The following PRELID2 variants were observed in gnomAD, a reference collection of about 807,000 sequenced individuals.
PRELID2 encodes the protein PRELI domain-containing protein 2.
Under a neutral mutation model 28.4 loss-of-function variants are expected in PRELID2, and 25 were observed. The ratio of observed to expected loss-of-function variants is 0.88; its 90% CI spans 0.64 to 1.23. PRELID2 has a LOEUF of 1.23. PRELID2 is among the 50% of genes most tolerant of loss of function. PRELID2 has a pLI of 0.00. For missense variants in PRELID2, 201 were observed against 214.4 expected (o/e 0.94, Z 0.39); for synonymous variants, 76 against 71.6 (o/e 1.06, Z -0.31).
the PRELID2 span, among the ~76,000 whole-genome samples, chr5:145,247,881 T>C: frequency 6.6e-6 from 1 of 152,082 alleles, no homozygotes; most frequent in African/African-American, 2.4e-5. Flanking sequence ...GTCTCTTTAT[T>C]ATACTGGCCT....
chr5:145,294,958 CA>C, the PRELID2 span, among the ~76,000 whole-genome samples: 3 of 151,978 alleles, frequency 2.0e-5, no homozygotes, highest in South Asian at 6.2e-4. Context: ...TCTGTGAGAG[CA>C]AAAAACACAT....
the PRELID2 span, among the ~76,000 whole-genome samples, chr5:145,247,973 G>A: frequency 6.6e-6 from 1 of 151,946 alleles, no homozygotes; most frequent in African/African-American, 2.4e-5. Context: ...ATGAAGTCAG[G>A]GATTATCAAC....
chr5:145,674,310 C>G (rs904579259), intron 1 of PRELID2, among the ~76,000 whole-genome samples: 1 of 151,548 alleles, frequency 6.6e-6, no homozygotes, highest in South Asian at 2.1e-4. Flanking sequence ...TCCCTCCCCC[C>G]TCCCTCTACC....
At chr5:145,427,563 G>C in the PRELID2 span, among the ~76,000 whole-genome samples, 1 of 152,192 alleles carries the variant, frequency 6.6e-6, no homozygotes, top group African/African-American at 2.4e-5. Flanking sequence ...CAATCTCATA[G>C]TCAGGTGCCA....
chr5:145,341,257 CAA>C, the PRELID2 span, among the ~76,000 whole-genome samples: 1 of 151,586 alleles, frequency 6.6e-6, no homozygotes, highest in Non-Finnish European at 1.5e-5. Flanking sequence ...AGATCTCAAT[CAA>C]AAAGAAATTT....
chr5:145,365,084 T>G, the PRELID2 span, among the ~76,000 whole-genome samples: 2 of 152,060 alleles, frequency 1.3e-5, no homozygotes, highest in South Asian at 4.1e-4. Context: ...GAGAGTAGAA[T>G]GGTAGTTACC....
At chr5:145,815,783 A>G (rs1355804214) in intron 4 of PRELID2, among the ~76,000 whole-genome samples, 2 of 152,242 alleles carry the variant, frequency 1.3e-5, no homozygotes, top group African/African-American at 4.8e-5. Context: ...TTGTGGATAC[A>G]TTACATTGGG....
chr5:145,452,529 AG>A, the PRELID2 span, among the ~76,000 whole-genome samples: 1 of 152,282 alleles, frequency 6.6e-6, no homozygotes, highest in Non-Finnish European at 1.5e-5. Flanking sequence ...TTAGCTTCCC[AG>A]TTTTTATTCT....
the PRELID2 span, among the ~76,000 whole-genome samples, chr5:145,374,527 G>C: frequency 6.6e-6 from 1 of 152,054 alleles, no homozygotes; most frequent in East Asian, 1.9e-4. Flanking sequence ...AGGTTGGCTT[G>C]TCTTGCTAGG....
intron 4 of PRELID2, among the ~76,000 whole-genome samples, chr5:145,802,304 C>T (rs1391960420): frequency 6.6e-6 from 1 of 152,178 alleles, no homozygotes; most frequent in Non-Finnish European, 1.5e-5. Flanking sequence ...TCTGGAGTAT[C>T]CAGCAGTCAA....
At chr5:145,627,096 CCAAAAAAAAAAAAAAAAAAAAAAAA>C (rs1753857215) in intron 1 of PRELID2, among the ~76,000 whole-genome samples, 1 of 32,052 alleles carries the variant, frequency 3.1e-5, no homozygotes, top group Admixed American at 6.4e-4. Flanking sequence ...TAAGACTCTC[CCAAAAAAAAAAAAAAAAAAAAAAAA>C]AAAAAAAAAA....
intron 1 of PRELID2, among the ~76,000 whole-genome samples, chr5:145,652,729 C>T (rs1484543671): frequency 6.6e-6 from 1 of 152,124 alleles, no homozygotes; most frequent in Non-Finnish European, 1.5e-5. Context: ...CAGGCCTGCC[C>T]TACAAGAGCT....
intron 1 of PRELID2, among the ~76,000 whole-genome samples, chr5:145,647,143 G>A (rs1294067965): frequency 4.6e-5 from 7 of 152,210 alleles, no homozygotes; most frequent in African/African-American, 7.2e-5. Flanking sequence ...CAGGTGCTCT[G>A]TCCCAGGGAG....
chr5:145,506,344 T>C (rs562015840), intron 1 of PRELID2, among the ~76,000 whole-genome samples: 1 of 152,216 alleles, frequency 6.6e-6, no homozygotes, highest in African/African-American at 2.4e-5. Context: ...CCCGAATGAG[T>C]AGCTTGCTAC....
At chr5:145,818,097 C>G (rs1018922554) in intron 3 of PRELID2, 43 bp from the exon 4 acceptor site, 1 of 1,592,032 alleles carries the variant, frequency 6.3e-7, no homozygotes, top group African/African-American at 1.3e-5. Flanking sequence ...TTAGGAAGAG[C>G]AGGCAACATA....
chr5:145,494,077 C>T (rs929826417), intron 1 of PRELID2, among the ~76,000 whole-genome samples: 1 of 152,148 alleles, frequency 6.6e-6, no homozygotes, highest in South Asian at 2.1e-4. Context: ...ACAAGCATAT[C>T]TCATTTGTCC....
the PRELID2 span, among the ~76,000 whole-genome samples, chr5:145,454,601 G>T: frequency 1.3e-5 from 2 of 151,986 alleles, no homozygotes; most frequent in South Asian, 2.1e-4. Flanking sequence ...ACAAAATCAA[G>T]GTATAAAAAT....
At position 145,553,996 on chromosome 5, in the gene PRELID2, G is replaced by A. The variant is rs117461984; in HGVS notation, n.71-80681C>T. On this transcript the variant is annotated intron_variant and non_coding_transcript_variant, in intron 1 of 2. Transcript: ENST00000510259. ...GATGATAATACCTTTAATAAATAAAGATCAGAAAAGAAGGAAGAGGGCTGG... is the reference window on the plus strand; with the variant it reads ...GATGATAATACCTTTAATAAATAAAAATCAGAAAAGAAGGAAGAGGGCTGG... Among the ~76,000 whole-genome samples, 60 of 152,252 alleles carry A rather than the reference G, an allele frequency of 3.9e-4. No homozygotes were observed. In the East Asian group the frequency reaches 9.5e-3, roughly 24 times the overall value.
intron 1 of PRELID2, among the ~76,000 whole-genome samples, chr5:145,484,422 T>C (rs1362473849): frequency 6.6e-6 from 1 of 152,228 alleles, no homozygotes; most frequent in Non-Finnish European, 1.5e-5. Flanking sequence ...GACTGACTCA[T>C]AGACAAATTG....
Sources: allele counts gnomAD v4.1 joint callset (sites outside exome capture counted in the v4.1 genomes callset), GRCh38; gene constraint gnomAD v4.1.1; transcripts MANE v1.5; gene names NCBI Gene and HGNC (gene_info 2026-07-23, HGNC 2026-07-21).